Variants in NF1 observed in about 807,000 individuals in gnomAD.
NF1 encodes the protein neurofibromin 1, also known as neurofibromin.
Under a neutral mutation model 325.7 loss-of-function variants are expected in NF1, and 122 were observed. The observed-to-expected ratio is 0.37, with a 90% CI of 0.32 to 0.44. The LOEUF (loss-of-function observed/expected upper bound fraction) is 0.44, where lower values mean the gene tolerates loss of function less well. Among genes scored for constraint, NF1 ranks in the 20% least tolerant of loss-of-function variants. The probability of loss-of-function intolerance (pLI) is 1.00; values close to 1 mark genes in which losing one functional copy is unlikely to be tolerated. For missense variants in NF1, 2,140 were observed against 3,415.4 expected (o/e 0.63, Z 9.31); for synonymous variants, 1,091 against 1,186.0 (o/e 0.92, Z 1.65).
At chr17:31,106,448 A>G (rs750720028) in intron 1 of NF1, among the ~76,000 whole-genome samples, 5 of 152,210 alleles carry the variant, frequency 3.3e-5, no homozygotes, top group Admixed American at 1.3e-4. Context: ...GTTCACAATC[A>G]TATGATTATA....
chr17:31,143,479 C>T (rs1229623874), intron 1 of NF1, among the ~76,000 whole-genome samples: 5 of 152,100 alleles, frequency 3.3e-5, no homozygotes, highest in African/African-American at 7.2e-5. Context: ...CTTTGTTGCC[C>T]AGGCTGGTCT....
chr17:31,149,033 T>C lies in NF1; in HGVS notation c.61-6950T>C, dbSNP rs1377949790. On this transcript the variant is annotated intron_variant, in intron 1 of 57. Coordinates refer to ENST00000358273, the MANE Select transcript of NF1 (RefSeq NM_001042492.3). The stretch of plus-strand genomic sequence containing the variant: ...TCTACTGTTTTGTTTTGTTTCTTAA[T>C]ATAAGAAACATATATTTCTATCTCC... Among the ~76,000 whole-genome samples the C allele has an allele frequency of 2.6e-5, 4 of 152,120 alleles. No individual in the cohort carries two copies. In the East Asian group the frequency reaches 5.8e-4, roughly 22 times the overall value.
rs371047262 is a variant in NF1, at chr17:31,232,043, ATTT to A, written c.3198-6_3198-4del. 2,129 of 587,606 alleles carry A rather than the reference ATTT, an allele frequency of 3.6e-3. 7 individuals carry two copies. The highest frequency in any genetic ancestry group is 0.027 in the African/African-American group (870 of 32,482). The allele number at this position is 587,606 out of a possible 1,614,324, so 36.4% of individuals were successfully genotyped here. A position where few individuals can be genotyped will look rare whatever the true frequency, so the allele number is the denominator to read the frequency against. ...AACTTGAAAGATTCATGGTCTCTAAATTTTTTTTTTTTTTTTTTTTTTTTTTCA... is the reference window on the plus strand; with the variant it reads ...AACTTGAAAGATTCATGGTCTCTAAATTTTTTTTTTTTTTTTTTTTTTTCA... On this transcript the variant is annotated intron_variant, in intron 24 of 57. Coordinates refer to ENST00000358273, the MANE Select transcript of NF1 (RefSeq NM_001042492.3).
chr17:31,356,900 ATAGT>A (rs1414219919), intron 52 of NF1, 56 bp from the exon 53 acceptor site: 5 of 1,605,460 alleles, frequency 3.1e-6, no homozygotes, highest in African/African-American at 2.7e-5. Context: ...TAACATTGAA[ATAGT>A]TAGGTGAAGT....
In NF1 at chr17:31,343,258, A is replaced by G. The variant is rs1264218888; in HGVS notation, c.7189+123A>G. 15 of 980,836 alleles carry G rather than the reference A, an allele frequency of 1.5e-5. No homozygotes were observed. The East Asian group carries it at 3.9e-4, about 26-fold the overall frequency. 60.8% of individuals were successfully genotyped at this position (980,836 alleles called of 1,614,324 possible). On this transcript the variant is annotated intron_variant, in intron 48 of 57. Transcript: ENST00000358273. The stretch of plus-strand genomic sequence containing the variant: ...GCCCTTATGTCTTACTTTAAATGCA[A>G]ACTAGGCCAGGCGTGGTGGCTCACG...
chr17:31,227,086 G>A (rs950508227), intron 18 of NF1, 132 bp from the exon 19 acceptor site: 1 of 899,574 alleles, frequency 1.1e-6, no homozygotes, highest in African/African-American at 1.6e-5. Flanking sequence ...TTAGTGAAAG[G>A]AAGTTTTTGG....
In NF1 at chr17:31,327,590, A is replaced by T. The variant is rs1555533570; in HGVS notation, c.5360A>T (p.Glu1787Val). Residue 1787 changes from glutamate to valine, a missense_variant, in exon 38 of 58, where the codon GAA (glutamate) becomes GTA (valine). Glu to Val is a moderately radical substitution (Grantham distance 121, BLOSUM62 -2). Transcript: ENST00000358273. ...CTAAATGACATTTATTATGCTTCGG[A>T]AATTGAAGAAATCTGCCTAGTAGAT... Reference protein sequence around the residue: ...VFLNDIYYASEIEEICLVDEN... With the variant: ...VFLNDIYYASVIEEICLVDEN... 1.2e-6 allele frequency: 2 copies of T among 1,614,186 alleles called. No homozygotes were observed. The highest frequency in any genetic ancestry group is 1.7e-6 in the Non-Finnish European group (2 of 1,180,030).
intron 1 of NF1, among the ~76,000 whole-genome samples, chr17:31,102,669 A>G (rs1912454083): frequency 6.6e-6 from 1 of 151,924 alleles, no homozygotes; most frequent in African/African-American, 2.4e-5. Context: ...CAGGAGTTCA[A>G]GCATACAGTG....
chr17:31,223,524 G>A lies in NF1; in HGVS notation c.1802G>A (p.Arg601Gln), dbSNP rs1060500288. The A allele has an allele frequency of 3.1e-6, 5 of 1,612,648 alleles. No individual in the cohort carries two copies. Among genetic ancestry groups the A allele is most frequent in the Non-Finnish European group, 4.2e-6 (5 of 1,179,054 alleles). The change falls in exon 16 of 58, where the codon CGG becomes CAG. Residue 601 changes from arginine (R) to glutamine (Q), a missense_variant. By Grantham distance (43) the Arg-to-Gln change is conservative (BLOSUM62 1). Around this residue, in one of 10 missense-constraint regions of NF1, gnomAD observed 179 missense variants for 381.0 expected, o/e 0.47. Transcript: ENST00000358273. ...AGCACAGAAATTCTCAAGTGGTTGCGGGAAATATTGATCTGCAGGAATAAA... is the reference window on the plus strand; with the variant it reads ...AGCACAGAAATTCTCAAGTGGTTGCAGGAAATATTGATCTGCAGGAATAAA... ...LSSTEILKWL[R>Q]EILICRNKFL...
chr17:31,288,522 GTT>G lies in NF1; in HGVS notation c.4835+23206_4835+23207del, dbSNP rs200926157. 2.8e-4 allele frequency among the ~76,000 whole-genome samples: 33 copies of G among 119,690 alleles called. 1 individual carries two copies. The highest frequency in any genetic ancestry group is 7.6e-4 in the African/African-American group (28 of 36,988). The allele number at this position is 119,690 out of a possible 152,430, so 78.5% of individuals were successfully genotyped here. On this transcript the variant is annotated intron_variant, in intron 36 of 57. Coordinates refer to ENST00000358273, the MANE Select transcript of NF1 (RefSeq NM_001042492.3). ...GCCCAGAACTAGTTTTTTTTGCTTT[GTT>G]TTTTTTTTTTTTTTTTTTTTTTGGA...
chr17:31,296,711 T>C (rs1236650497), intron 36 of NF1: 1 of 250,130 alleles, frequency 4.0e-6, no homozygotes, highest in Non-Finnish European at 7.8e-6. Context: ...TTTGATGATA[T>C]GCTTTCTTAC....
chr17:31,115,158 G>A (rs1913787705), intron 1 of NF1, among the ~76,000 whole-genome samples: 1 of 152,162 alleles, frequency 6.6e-6, no homozygotes, highest in Admixed American at 6.5e-5. Flanking sequence ...AATGCCTGGA[G>A]ACATTTTTAA....
At chr17:31,360,457 A>G in intron 56 of NF1, 30 bp from the exon 57 acceptor site, 1 of 1,591,596 alleles carries the variant, frequency 6.3e-7, no homozygotes, top group Non-Finnish European at 8.6e-7. Flanking sequence ...AAAAAAAGGA[A>G]CTAAAATAAT....
At position 31,376,721 on chromosome 17, in the gene NF1, C is replaced by T. The variant is rs545937364; in HGVS notation, c.*2566C>T. ...TCTGTTAAAAATATTATAAGTAATT[C>T]GTTTCGGTTTGTAGATGTTTCCCCT... On this transcript the variant is annotated 3_prime_UTR_variant, in exon 58 of 58. Coordinates refer to ENST00000358273, the MANE Select transcript of NF1 (RefSeq NM_001042492.3). 115 of 233,130 alleles carry T rather than the reference C, an allele frequency of 4.9e-4. No individual in the cohort carries two copies. Among genetic ancestry groups the T allele is most frequent in the Non-Finnish European group, 7.8e-4 (92 of 117,980 alleles). 14.4% of individuals were successfully genotyped at this position (233,130 alleles called of 1,614,324 possible). A position where few individuals can be genotyped will look rare whatever the true frequency, so the allele number is the denominator to read the frequency against.
chr17:31,226,318 GACACACAC>G (rs59547221), intron 17 of NF1, 109 bp from the exon 18 acceptor site: 519 of 689,980 alleles, frequency 7.5e-4, no homozygotes, highest in African/African-American at 1.4e-3. Flanking sequence ...TGTATGCGGA[GACACACAC>G]ACACACACAC....
intron 11 of NF1, among the ~76,000 whole-genome samples, chr17:31,202,898 C>T (rs1351606186): frequency 6.6e-6 from 1 of 152,090 alleles, no homozygotes; most frequent in Non-Finnish European, 1.5e-5. Context: ...ATGATTTCTC[C>T]CCTCAAGTTT....
intron 39 of NF1, among the ~76,000 whole-genome samples, chr17:31,332,323 G>A (rs1181724325): frequency 1.3e-5 from 2 of 151,888 alleles, no homozygotes; most frequent in South Asian, 2.1e-4. Context: ...AATTAGCCGG[G>A]CTCGGTGGTA....
rs2069267767 is a variant in NF1, at chr17:31,323,571, CT to C, written c.4836-2246del. 2.0e-5 allele frequency among the ~76,000 whole-genome samples: 3 copies of C among 152,168 alleles called. No individual in the cohort carries two copies. The South Asian group carries it at 6.2e-4, about 31-fold the overall frequency. ...GAGCCCCTAGTAGAAAACCTAAGCC[CT>C]TTGGTTGGGCAGTTATGGTCTCTCC... On this transcript the variant is annotated intron_variant, in intron 36 of 57. Transcript: ENST00000358273.
intron 8 of NF1, chr17:31,182,996 A>G: frequency 1.8e-6 from 1 of 567,288 alleles, no homozygotes; most frequent in Non-Finnish European, 3.1e-6. Flanking sequence ...ACTTGAGTTC[A>G]TCACTTTTAT....
Sources: allele counts gnomAD v4.1 joint callset (sites outside exome capture counted in the v4.1 genomes callset), GRCh38; gene constraint gnomAD v4.1.1; regional missense constraint gnomAD v4.1.1; transcripts MANE v1.5; gene names NCBI Gene and HGNC (gene_info 2026-07-23, HGNC 2026-07-21).